Variants in FAM124A observed in about 807,000 individuals in gnomAD.
FAM124A encodes protein FAM124A.
Under a neutral mutation model 24.5 loss-of-function variants are expected in FAM124A, and 23 were observed. The ratio of observed to expected loss-of-function variants is 0.94; its 90% CI spans 0.68 to 1.33. FAM124A has a LOEUF of 1.33. FAM124A is among the 40% of genes most tolerant of loss of function. The pLI is 0.00. For synonymous variants in FAM124A, 287 were observed against 314.7 expected, an observed-to-expected ratio of 0.91 and a Z score of 0.93; for missense variants, 623 against 722.8, an observed-to-expected ratio of 0.86 and a Z score of 1.58.
At chr13:51,243,477 A>G (rs965595064) in intron 2 of FAM124A, among the ~76,000 whole-genome samples, 2 of 152,116 alleles carry the variant, frequency 1.3e-5, no homozygotes, top group African/African-American at 2.4e-5. Flanking sequence ...TTTTGTGTTC[A>G]GCGTCACCCA....
At position 51,258,397 on chromosome 13, in the gene FAM124A, T is replaced by G. The variant is rs1954697166; in HGVS notation, c.834+6196T>G. 6.6e-6 allele frequency among the ~76,000 whole-genome samples: 1 copy of G among 152,234 alleles called. No individual in the cohort carries two copies. The highest frequency in any genetic ancestry group is 2.4e-5 in the African/African-American group (1 of 41,456). ...TTACTTGTATCTGATCTGTCTCTGTTATTATATTGTCAAAAAATGAATGAG... is the reference window on the plus strand; with the variant it reads ...TTACTTGTATCTGATCTGTCTCTGTGATTATATTGTCAAAAAATGAATGAG... On this transcript the variant is annotated intron_variant, in intron 3 of 3. Transcript: ENST00000322475. This position sits in a 1 kb window ranked among gnomAD's most constrained non-coding sequence, Gnocchi z 4.2.
At chr13:51,278,680 G>A (rs554436047) in intron 3 of FAM124A, among the ~76,000 whole-genome samples, 4 of 152,316 alleles carry the variant, frequency 2.6e-5, no homozygotes, top group Non-Finnish European at 4.4e-5. Context: ...GAAAAAGACC[G>A]GGTACCATCT....
chr13:51,224,809 T>C (rs947011021), intron 1 of FAM124A, among the ~76,000 whole-genome samples: 1 of 152,236 alleles, frequency 6.6e-6, no homozygotes, highest in Non-Finnish European at 1.5e-5. Flanking sequence ...TAACGTGGCC[T>C]ATATGCCCTG....
Position 51,272,747 on chromosome 13 carries a change from T to C in FAM124A, c.835-7703T>C, listed in dbSNP as rs1231448611. On this transcript the variant is annotated intron_variant, in intron 3 of 3. Coordinates refer to ENST00000322475, the MANE Select transcript of FAM124A (RefSeq NM_001242312.2). This position sits in a 1 kb window ranked among gnomAD's most constrained non-coding sequence, Gnocchi z 4.2. ...CGCAGGACGCCAAGCACAGTCAAGG[T>C]GGGAGTGCCATACTGGGCCCAGGAG... Among the ~76,000 whole-genome samples the C allele has an allele frequency of 6.6e-6, 1 of 151,976 alleles. No homozygotes were observed. Among genetic ancestry groups the C allele is most frequent in the East Asian group, 1.9e-4 (1 of 5,178 alleles).
intron 2 of FAM124A, among the ~76,000 whole-genome samples, chr13:51,242,722 A>G (rs567547522): frequency 6.6e-6 from 1 of 152,082 alleles, no homozygotes; most frequent in East Asian, 1.9e-4. Context: ...GGAAAAAAAA[A>G]CCGGCAGGGT....
intron 3 of FAM124A, among the ~76,000 whole-genome samples, chr13:51,259,367 G>A (rs911295580): frequency 1.1e-4 from 17 of 152,000 alleles, no homozygotes; most frequent in Admixed American, 9.2e-4. Flanking sequence ...TCCCAGGGCT[G>A]GTGAGACCTG....
At chr13:51,230,075 T>TTATATATATATATATA (rs5803560) in intron 1 of FAM124A, among the ~76,000 whole-genome samples, 2 of 150,918 alleles carry the variant, frequency 1.3e-5, no homozygotes, top group Admixed American at 6.6e-5. Context: ...AAATATTGAA[T>TTATATATATATATATA]TATATATATA....
Position 51,251,656 on chromosome 13 carries a change from G to T in FAM124A, c.289G>T (p.Ala97Ser). 1 of 1,580,282 alleles carries T rather than the reference G, an allele frequency of 6.3e-7. No individual in the cohort carries two copies. The highest frequency in any genetic ancestry group is 1.1e-5 in the South Asian group (1 of 87,284). The change falls in exon 3 of 4, where the codon GCT (alanine) becomes TCT (serine). Residue 97 changes from alanine (A) to serine (S), a missense_variant. Coordinates refer to ENST00000322475, the MANE Select transcript of FAM124A (RefSeq NM_001242312.2). This position sits in a 1 kb window ranked among gnomAD's most constrained non-coding sequence, Gnocchi z 5.3. Reference sequence around the variant, plus strand: ...GCGGCGGCGGAAGCCCCCCAAGGGCGCTCAGCCAGCGCTGGCTGTGGTGCT... The same window carrying T: ...GCGGCGGCGGAAGCCCCCCAAGGGCTCTCAGCCAGCGCTGGCTGTGGTGCT... ...SRRRRKPPKG[A>S]QPALAVVLFL... is the part of the protein sequence containing the mutation.
intron 1 of FAM124A, chr13:51,227,484 T>C (rs1044654628): frequency 1.3e-5 from 2 of 152,246 alleles, no homozygotes; most frequent in African/African-American, 2.4e-5. Context: ...GCAATTGATA[T>C]CATTTTGAAA....
intron 2 of FAM124A, among the ~76,000 whole-genome samples, chr13:51,246,133 C>A (rs556608010): frequency 6.6e-6 from 1 of 152,300 alleles, no homozygotes; most frequent in African/African-American, 2.4e-5. Flanking sequence ...TAGCAGCTCC[C>A]ATCCTCCCAC....
chr13:51,280,930 A>AG lies in FAM124A; in HGVS notation c.1316dup (p.Ser439ArgfsTer86). 1 of 1,614,140 alleles carries AG rather than the reference A, an allele frequency of 6.2e-7. No homozygotes were observed. The highest frequency in any genetic ancestry group is 8.5e-7 in the Non-Finnish European group (1 of 1,180,010). On this transcript the variant is annotated frameshift_variant, in exon 4 of 4. Coordinates refer to ENST00000322475, the MANE Select transcript of FAM124A (RefSeq NM_001242312.2). LOFTEE classifies it low-confidence loss of function (END_TRUNC). ...ATATTCTGCACCCAGTAGGTTCTGCAGCACAGTGGAGACACCCCTCCCCTC... is the reference window on the plus strand; with the variant it reads ...ATATTCTGCACCCAGTAGGTTCTGCAGGCACAGTGGAGACACCCCTCCCCTC...
Position 51,251,812 on chromosome 13 carries a change from G to A in FAM124A, c.445G>A (p.Asp149Asn). 1 of 1,600,228 alleles carries A rather than the reference G, an allele frequency of 6.2e-7. No homozygotes were observed. ...CCTGCCCTACCTGCCCTGCAGCCAG[G>A]ACTTCTTCACGCTGGCCCCTGGGAC... ...RFLPYLPCSQDFFTLAPGTPL... is the reference protein window; with the variant it reads ...RFLPYLPCSQNFFTLAPGTPL... Residue 149 changes from aspartate to asparagine, a missense_variant, in exon 3 of 4, where the codon GAC becomes AAC. Asp to Asn is a conservative substitution (Grantham distance 23, BLOSUM62 1). Transcript: ENST00000322475. This position sits in a 1 kb window ranked among gnomAD's most constrained non-coding sequence, Gnocchi z 5.3.
intron 2 of FAM124A, among the ~76,000 whole-genome samples, chr13:51,243,737 T>C (rs1225038993): frequency 3.3e-5 from 5 of 152,102 alleles, no homozygotes; most frequent in Non-Finnish European, 5.9e-5. Flanking sequence ...GGTTTCACCA[T>C]GTTGCCCAGG....
At position 51,235,279 on chromosome 13, in the gene FAM124A, T is replaced by A. The variant is rs558902873; in HGVS notation, c.100+3900T>A. On this transcript the variant is annotated intron_variant, in intron 2 of 3. Coordinates refer to ENST00000322475, the MANE Select transcript of FAM124A (RefSeq NM_001242312.2). ...TTCCAGAATCCTGTTTTTCCAGAAATCTAATGAGATCATCAAGCCACTATG... is the reference window on the plus strand; with the variant it reads ...TTCCAGAATCCTGTTTTTCCAGAAAACTAATGAGATCATCAAGCCACTATG... 5.3e-5 allele frequency among the ~76,000 whole-genome samples: 8 copies of A among 152,272 alleles called. No homozygotes were observed. In the East Asian group the frequency reaches 1.5e-3, roughly 29 times the overall value.
chr13:51,269,931 A>T (rs1954823578), intron 3 of FAM124A, among the ~76,000 whole-genome samples: 1 of 152,220 alleles, frequency 6.6e-6, no homozygotes, highest in Non-Finnish European at 1.5e-5. Context: ...AATCCCAGCC[A>T]GGACGACTTT....
At chr13:51,276,138 CA>C (rs1235327549) in intron 3 of FAM124A, among the ~76,000 whole-genome samples, 1 of 152,080 alleles carries the variant, frequency 6.6e-6, no homozygotes, top group African/African-American at 2.4e-5. Flanking sequence ...TAGAGCTTGC[CA>C]AGGAGTGAGT....
In FAM124A at chr13:51,272,472, A is replaced by G. The variant is rs1954847908; in HGVS notation, c.835-7978A>G. On this transcript the variant is annotated intron_variant, in intron 3 of 3. Transcript: ENST00000322475. This position sits in a 1 kb window ranked among gnomAD's most constrained non-coding sequence, Gnocchi z 4.2. ...GATGAGAGAGTGGAAAAATTGGTTT[A>G]GAAGTTTGTACAGAAAGCAATTGAC... Among the ~76,000 whole-genome samples, 2 of 152,166 alleles carry G rather than the reference A, an allele frequency of 1.3e-5. No homozygotes were observed. The highest frequency in any genetic ancestry group is 2.9e-5 in the Non-Finnish European group (2 of 68,036).
rs115101961 is a variant in FAM124A at position 51,239,642 on chromosome 13, A to G, written c.100+8263A>G. Among the ~76,000 whole-genome samples, 576 of 152,304 alleles carry G rather than the reference A, an allele frequency of 3.8e-3. 3 individuals are homozygous for G. Among genetic ancestry groups the G allele is most frequent in the African/African-American group, 0.013 (550 of 41,562 alleles). Reference sequence around the variant, plus strand: ...ATCTTTCTAATAGGTCTTTGTGCATATCCTTCCTTATTAGAAAAAACTCCT... The same window carrying G: ...ATCTTTCTAATAGGTCTTTGTGCATGTCCTTCCTTATTAGAAAAAACTCCT... On this transcript the variant is annotated intron_variant, in intron 2 of 3. Transcript: ENST00000322475.
chr13:51,229,655 A>G (rs1954353402), intron 1 of FAM124A, among the ~76,000 whole-genome samples: 1 of 152,242 alleles, frequency 6.6e-6, no homozygotes, highest in Non-Finnish European at 1.5e-5. Flanking sequence ...TTGTATTTGA[A>G]TAGTCATGAC....
Sources: gnomAD v4.1 joint callset for allele counts (sites outside exome capture counted in the v4.1 genomes callset) on GRCh38, gnomAD v4.1.1 for gene constraint, Gnocchi (gnomAD v3.1) non-coding constraint, MANE v1.5 for transcripts, NCBI Gene and HGNC (gene_info 2026-07-23, HGNC 2026-07-21) for gene names.